XRCC4: variants seen among roughly 807,000 people sequenced by gnomAD.
XRCC4 encodes the protein X-ray repair cross complementing 4.
A neutral mutation model predicts 39.1 loss-of-function variants in XRCC4; 28 were observed. The ratio of observed to expected loss-of-function variants is 0.72; its 90% CI spans 0.53 to 0.98. The LOEUF (loss-of-function observed/expected upper bound fraction) is 0.98. Among genes scored for constraint, XRCC4 ranks in the 50% least tolerant of loss-of-function variants. The pLI, the probability that XRCC4 is intolerant of heterozygous loss-of-function variation, is 0.00. For synonymous variants in XRCC4, 123 were observed against 126.4 expected (o/e 0.97, Z 0.18); for missense variants, 350 against 376.4 (o/e 0.93, Z 0.58).
chr5:83,136,244 G>A (rs1285242860), intron 3 of XRCC4, among the ~76,000 whole-genome samples: 1 of 152,110 alleles, frequency 6.6e-6, no homozygotes, highest in Non-Finnish European at 1.5e-5. Context: ...ACATCATCTT[G>A]TCTTTAGCAA....
At chr5:83,122,394 C>T (rs1455439903) in intron 3 of XRCC4, among the ~76,000 whole-genome samples, 1 of 152,020 alleles carries the variant, frequency 6.6e-6, no homozygotes, top group Non-Finnish European at 1.5e-5. Context: ...TTGATTGTCA[C>T]GGCCAGCAGC....
intron 3 of XRCC4, among the ~76,000 whole-genome samples, chr5:83,133,742 G>T (rs765453528): frequency 2.0e-5 from 3 of 152,088 alleles, no homozygotes; most frequent in Non-Finnish European, 4.4e-5. Flanking sequence ...TTGGAAAAGC[G>T]CAGTACTAGG....
intron 7 of XRCC4, among the ~76,000 whole-genome samples, chr5:83,316,455 C>T (rs973063246): frequency 6.6e-6 from 1 of 150,984 alleles, no homozygotes; most frequent in African/African-American, 2.4e-5. Flanking sequence ...ATTCAGGAAA[C>T]CCATCTCACG....
chr5:83,160,281 A>G (rs2112581188), intron 3 of XRCC4, among the ~76,000 whole-genome samples: 1 of 152,290 alleles, frequency 6.6e-6, no homozygotes, highest in South Asian at 2.1e-4. Context: ...AGAGGAAAAA[A>G]CTGAAGTCAC....
intron 3 of XRCC4, among the ~76,000 whole-genome samples, chr5:83,190,075 A>T (rs574425139): frequency 6.6e-6 from 1 of 152,278 alleles, no homozygotes; most frequent in South Asian, 2.1e-4. Flanking sequence ...AAAAAATAAA[A>T]TAAAATAAAA....
At chr5:83,245,834 C>T (rs1233927369) in intron 6 of XRCC4, among the ~76,000 whole-genome samples, 3 of 133,908 alleles carry the variant, frequency 2.2e-5, no homozygotes, top group Non-Finnish European at 4.7e-5. Context: ...TTTTCTCACT[C>T]CCCCCCTCCA....
intron 7 of XRCC4, among the ~76,000 whole-genome samples, chr5:83,344,164 C>T (rs138808364): frequency 0.022 from 3,017 of 137,394 alleles, 40 homozygotes; most frequent in Admixed American, 0.05. Context: ...ACACACACTT[C>T]GTTGTTCAAA....
chr5:83,258,615 A>C lies in XRCC4; in HGVS notation c.831A>C (p.Gln277His). The change falls in exon 7 of 8, where the codon CAA becomes CAC. Residue 277 changes from glutamine to histidine, a missense_variant. Coordinates refer to ENST00000396027, the MANE Select transcript of XRCC4 (RefSeq NM_003401.5). Reference protein sequence around the residue: ...APSRKRRQRMQRNLGTEPKMA... With the variant: ...APSRKRRQRMHRNLGTEPKMA... ...GTAGAAAAAGGAGACAGCGAATGCA[A>C]AGAAATCTTGGGACAGAACCTAAAA... 6.2e-7 allele frequency: 1 copy of C among 1,611,780 alleles called. No individual in the cohort carries two copies. The highest frequency in any genetic ancestry group is 8.5e-7 in the Non-Finnish European group (1 of 1,179,222).
intron 7 of XRCC4, among the ~76,000 whole-genome samples, chr5:83,318,382 G>A (rs1190927651): frequency 7.7e-6 from 1 of 130,438 alleles, no homozygotes; most frequent in Non-Finnish European, 1.5e-5. Context: ...AGGAAATAAA[G>A]GGTATTCAAT....
At chr5:83,153,657 A>G (rs1189911860) in intron 3 of XRCC4, among the ~76,000 whole-genome samples, 1 of 152,154 alleles carries the variant, frequency 6.6e-6, no homozygotes, top group Non-Finnish European at 1.5e-5. Context: ...AAGGATGCCA[A>G]AAAACAATCA....
rs144651000 is a variant in XRCC4 at position 83,254,859 on chromosome 5, G to C, written c.746-3671G>C. Among the ~76,000 whole-genome samples the C allele has an allele frequency of 7.7e-3, 1,176 of 152,166 alleles. 8 individuals are homozygous for C. The highest frequency in any genetic ancestry group is 0.014 in the Middle Eastern group (4 of 294). On this transcript the variant is annotated intron_variant, in intron 6 of 7. Coordinates refer to ENST00000396027, the MANE Select transcript of XRCC4 (RefSeq NM_003401.5). ...CCCAGCGCTTTGGGAGGCCGAGGTG[G>C]GTAGATCACCTGAGCTCAGTAGTTC...
At chr5:83,278,881 A>G (rs1754430433) in intron 7 of XRCC4, among the ~76,000 whole-genome samples, 1 of 150,358 alleles carries the variant, frequency 6.7e-6, no homozygotes, top group Admixed American at 6.7e-5. Flanking sequence ...CCAGGTACGT[A>G]GGGGGCTGAG....
At chr5:83,102,883 G>A (rs552315839) in intron 1 of XRCC4, among the ~76,000 whole-genome samples, 4 of 151,764 alleles carry the variant, frequency 2.6e-5, no homozygotes, top group Admixed American at 2.0e-4. Flanking sequence ...GCAGGTGGTG[G>A]ATTTGAGTCC....
chr5:83,254,283 A>G (rs1753443053), intron 6 of XRCC4, among the ~76,000 whole-genome samples: 1 of 152,046 alleles, frequency 6.6e-6, no homozygotes, highest in Non-Finnish European at 1.5e-5. Context: ...CTGATTTAAC[A>G]TATCGCTCTG....
intron 6 of XRCC4, among the ~76,000 whole-genome samples, chr5:83,244,415 C>T (rs1753024483): frequency 6.6e-6 from 1 of 152,116 alleles, no homozygotes; most frequent in African/African-American, 2.4e-5. Flanking sequence ...CACTTGAGTG[C>T]TTAGCATTTT....
chr5:83,135,563 T>A (rs1415992948), intron 3 of XRCC4, among the ~76,000 whole-genome samples: 1 of 152,104 alleles, frequency 6.6e-6, no homozygotes, highest in Non-Finnish European at 1.5e-5. Flanking sequence ...CATTTATATG[T>A]ATATTATGTT....
the XRCC4 span, among the ~76,000 whole-genome samples, chr5:83,372,382 A>G: frequency 1.3e-5 from 2 of 152,214 alleles, no homozygotes; most frequent in African/African-American, 4.8e-5. Context: ...AACTTCAAGA[A>G]GAAAGTGTGA....
chr5:83,156,768 G>A (rs1187475046), intron 3 of XRCC4, among the ~76,000 whole-genome samples: 1 of 152,106 alleles, frequency 6.6e-6, no homozygotes, highest in Admixed American at 6.6e-5. Flanking sequence ...ATTTTTGGAA[G>A]ATGCAGATGC....
intron 6 of XRCC4, among the ~76,000 whole-genome samples, chr5:83,215,209 C>T (rs1013161075): frequency 6.6e-6 from 1 of 151,792 alleles, no homozygotes; most frequent in Non-Finnish European, 1.5e-5. Flanking sequence ...CATAGTGGAG[C>T]ATGCCTATAG....
Sources: gnomAD v4.1 joint callset for allele counts (sites outside exome capture counted in the v4.1 genomes callset) on GRCh38, gnomAD v4.1.1 for gene constraint, MANE v1.5 for transcripts, NCBI Gene and HGNC (gene_info 2026-07-23, HGNC 2026-07-21) for gene names.